Variants in METTL22 observed in about 807,000 individuals in gnomAD.
METTL22 encodes the protein methyltransferase-like protein 22.
Under a neutral mutation model 48.4 loss-of-function variants are expected in METTL22, and 51 were observed. That is an observed-to-expected ratio of 1.05 (90% CI 0.84 to 1.33). The LOEUF is 1.33. Among genes scored for constraint, METTL22 ranks in the 40% most tolerant of loss-of-function variants. The pLI is 0.00. For synonymous variants in METTL22, 255 were observed against 214.1 expected, an observed-to-expected ratio of 1.19 and a Z score of -1.67; for missense variants, 678 against 526.9, an observed-to-expected ratio of 1.29 and a Z score of -2.81.
At chr16:8,664,090 AT>A in the METTL22 span, among the ~76,000 whole-genome samples, 21,473 of 141,838 alleles carry the variant, frequency 0.15, 1,687 homozygotes, top group African/African-American at 0.22. Flanking sequence ...AAGTTTTTTA[AT>A]TTTTTTTTTT....
rs1038648281 is a variant in METTL22 at position 8,646,926 on chromosome 16, C to T, written c.*783C>T. Reference sequence around the variant, plus strand: ...ATCTGTGCCTCTCTCCTCCCATCTCCACCCCTTCCTGTCATCCTCTATGTC... The same window carrying T: ...ATCTGTGCCTCTCTCCTCCCATCTCTACCCCTTCCTGTCATCCTCTATGTC... On this transcript the variant is annotated 3_prime_UTR_variant, in exon 11 of 11. Coordinates refer to ENST00000381920, the MANE Select transcript of METTL22 (RefSeq NM_024109.4). The T allele has an allele frequency of 7.7e-5, 27 of 351,630 alleles. No homozygotes were observed. The highest frequency in any genetic ancestry group is 5.5e-4 in the South Asian group (25 of 45,810). The allele number at this position is 351,630 out of a possible 1,614,324, so 21.8% of individuals were successfully genotyped here. A position where few individuals can be genotyped will look rare whatever the true frequency, so the allele number is the denominator to read the frequency against.
At position 8,628,711 on chromosome 16, in the gene METTL22, G is replaced by T. The variant is rs373549604; in HGVS notation, c.134-19G>T. ...AAACATCTTGGAATTCTCATTTTGC[G>T]TTCTGTCTTGCCTTTCAGTTTTCCT... On this transcript the variant is annotated intron_variant, in intron 2 of 10. Transcript: ENST00000381920. The T allele has an allele frequency of 1.3e-6, 2 of 1,572,276 alleles. No homozygotes were observed. Among genetic ancestry groups the T allele is most frequent in the African/African-American group, 1.4e-5 (1 of 72,864 alleles).
intron 5 of METTL22, among the ~76,000 whole-genome samples, chr16:8,638,159 A>G (rs1388468747): frequency 6.6e-6 from 1 of 152,052 alleles, no homozygotes; most frequent in African/African-American, 2.4e-5. Context: ...AAAAACTGCT[A>G]AGCCCATCGT....
At chr16:8,654,563 A>C (rs183469362), downstream of METTL22, among the ~76,000 whole-genome samples, 107 of 152,370 alleles carry the variant, frequency 7.0e-4, no homozygotes, top group African/African-American at 2.4e-3. Context: ...GCATGCATAC[A>C]CACACAGCCA....
chr16:8,628,862 C>T lies in METTL22; in HGVS notation c.266C>T (p.Pro89Leu), dbSNP rs2056153689. Residue 89 changes from proline (P) to leucine (L), a missense_variant, in exon 3 of 11, where the codon CCA becomes CTA. Physicochemically the swap from Pro to Leu is moderately conservative, Grantham distance 98. Transcript: ENST00000381920. ...GAGACAGGCAGCACAGGGTCCCCTCCAGGAAGTGGCCATGGTAATGAGGGT... is the reference window on the plus strand; with the variant it reads ...GAGACAGGCAGCACAGGGTCCCCTCTAGGAAGTGGCCATGGTAATGAGGGT... ...SAETGSTGSP[P>L]GSGHGNEGFS... is the part of the protein sequence containing the mutation. 1.9e-6 allele frequency: 3 copies of T among 1,613,730 alleles called. No individual in the cohort carries two copies. The highest frequency in any genetic ancestry group is 2.2e-5 in the East Asian group (1 of 44,790).
intron 3 of METTL22, among the ~76,000 whole-genome samples, chr16:8,634,092 C>T (rs929650011): frequency 5.3e-5 from 8 of 152,312 alleles, no homozygotes; most frequent in Non-Finnish European, 1.0e-4. Context: ...GCCACCATGT[C>T]AAATCTAGCC....
rs1641074 is a variant in METTL22 at position 8,648,014 on chromosome 16, G to T, written c.*1871G>T. On this transcript the variant is annotated 3_prime_UTR_variant, in exon 11 of 11. Coordinates refer to ENST00000381920, the MANE Select transcript of METTL22 (RefSeq NM_024109.4). Reference sequence around the variant, plus strand: ...GCAGCAGCAGCATCTGTGGCATCACGTGGATGCTGGTTAGAAATGCAACAT... The same window carrying T: ...GCAGCAGCAGCATCTGTGGCATCACTTGGATGCTGGTTAGAAATGCAACAT... 1.3e-5 allele frequency: 2 copies of T among 152,290 alleles called. No individual in the cohort carries two copies. Among genetic ancestry groups the T allele is most frequent in the Non-Finnish European group, 2.9e-5 (2 of 68,090 alleles). 9.4% of individuals were successfully genotyped at this position (152,290 alleles called of 1,614,324 possible).
At chr16:8,646,012 C>A (rs991116893) in intron 10 of METTL22, 96 bp from the exon 11 acceptor site, 10 of 1,572,452 alleles carry the variant, frequency 6.4e-6, no homozygotes, top group South Asian at 2.3e-5. Context: ...GACGTGTTGT[C>A]TAACTACTCT....
At chr16:8,653,016 C>T (rs1254522070), downstream of METTL22, among the ~76,000 whole-genome samples, 1 of 152,206 alleles carries the variant, frequency 6.6e-6, no homozygotes, top group Non-Finnish European at 1.5e-5. Flanking sequence ...AGGTGACTGC[C>T]AGTTCAAACC....
At chr16:8,627,255 G>A (rs57458565) in intron 2 of METTL22, among the ~76,000 whole-genome samples, 3 of 152,108 alleles carry the variant, frequency 2.0e-5, no homozygotes, top group Non-Finnish European at 4.4e-5. Context: ...AGGTTCCTCA[G>A]CTTGGTCTGT....
intron 1 of METTL22, among the ~76,000 whole-genome samples, chr16:8,624,361 C>G (rs943952335): frequency 1.3e-5 from 1 of 78,388 alleles, no homozygotes; most frequent in African/African-American, 6.2e-5. Context: ...AATCCACTCA[C>G]TCTTTTTTTT....
At chr16:8,651,950 A>C (rs2056905483), downstream of METTL22, among the ~76,000 whole-genome samples, 2 of 152,230 alleles carry the variant, frequency 1.3e-5, no homozygotes, top group South Asian at 4.1e-4. Flanking sequence ...TGATAGGTGC[A>C]GCAAACCACC....
rs202215011 is a variant in METTL22 at position 8,644,638 on chromosome 16, G to A, written c.1092G>A (p.Gln364=). The change falls in exon 10 of 11, where the codon CAG becomes CAA. Residue 364 remains glutamine (Q), a synonymous_variant. Transcript: ENST00000381920. ...GCTCCTGCCTGCACGCGCTGGAGCA[G>A]CTCGCAGATGGCAAGCTGCGCTTCG... The part of the protein sequence containing the change: ...HFRSCLHALE[Q]LADGKLRFVV... The A allele has an allele frequency of 5.6e-6, 9 of 1,607,482 alleles. No individual in the cohort carries two copies. In the African/African-American group the frequency reaches 6.7e-5, roughly 12 times the overall value.
chr16:8,646,813 C>A lies in METTL22; in HGVS notation c.*670C>A. Reference sequence around the variant, plus strand: ...TGATCTTCCTCAGAGGTGTTCCCTTCCGCCTGGACTCATTTTCCCTCCGCC... The same window carrying A: ...TGATCTTCCTCAGAGGTGTTCCCTTACGCCTGGACTCATTTTCCCTCCGCC... On this transcript the variant is annotated 3_prime_UTR_variant, in exon 11 of 11. Coordinates refer to ENST00000381920, the MANE Select transcript of METTL22 (RefSeq NM_024109.4). 2.6e-6 allele frequency: 1 copy of A among 388,302 alleles called. No homozygotes were observed. Among genetic ancestry groups the A allele is most frequent in the Non-Finnish European group, 5.1e-6 (1 of 194,350 alleles). The allele number at this position is 388,302 out of a possible 1,614,324, so 24.1% of individuals were successfully genotyped here.
chr16:8,657,327 G>A, the METTL22 span, among the ~76,000 whole-genome samples: 2 of 152,128 alleles, frequency 1.3e-5, no homozygotes, highest in African/African-American at 2.4e-5. Context: ...TATTATTCTC[G>A]GTTGAGGCTA....
intron 2 of METTL22, among the ~76,000 whole-genome samples, chr16:8,627,908 G>A (rs1376490865): frequency 6.6e-6 from 1 of 152,098 alleles, no homozygotes; most frequent in Admixed American, 6.5e-5. Flanking sequence ...CACCATACCT[G>A]GATAATTTTT....
the METTL22 span, among the ~76,000 whole-genome samples, chr16:8,660,780 TGGAGGAGGA>T: frequency 0.016 from 245 of 15,706 alleles, 4 homozygotes; most frequent in South Asian, 0.052. Flanking sequence ...GGGCAAGTCT[TGGAGGAGGA>T]GGAGGAGGAG....
Position 8,648,138 on chromosome 16 carries a change from A to C in METTL22, c.*1995A>C, listed in dbSNP as rs1427145994. 2.6e-5 allele frequency: 4 copies of C among 152,290 alleles called. No homozygotes were observed. Among genetic ancestry groups the C allele is most frequent in the African/African-American group, 9.6e-5 (4 of 41,470 alleles). 9.4% of individuals were successfully genotyped at this position (152,290 alleles called of 1,614,324 possible). A position where few individuals can be genotyped will look rare whatever the true frequency, so the allele number is the denominator to read the frequency against. ...CAGGAGTTCAACCAGCCTGGACAAC[A>C]AAGCAAGACCCCATCTCTATTAAAA... On this transcript the variant is annotated 3_prime_UTR_variant, in exon 11 of 11. Coordinates refer to ENST00000381920, the MANE Select transcript of METTL22 (RefSeq NM_024109.4).
chr16:8,666,209 C>T, the METTL22 span, among the ~76,000 whole-genome samples: 2 of 152,140 alleles, frequency 1.3e-5, no homozygotes, highest in African/African-American at 2.4e-5. Context: ...TGGCCAATGA[C>T]GGGGAGTAGT....
Sources: allele counts gnomAD v4.1 joint callset (sites outside exome capture counted in the v4.1 genomes callset), GRCh38; gene constraint gnomAD v4.1.1; transcripts MANE v1.5; gene names NCBI Gene and HGNC (gene_info 2026-07-23, HGNC 2026-07-21).